ACTR8: variants seen among roughly 807,000 people sequenced by gnomAD.
ACTR8 encodes actin related protein 8, also known as actin-related protein 8.
ACTR8 carries 70 observed loss-of-function variants against 84.3 expected under a neutral mutation model. The ratio of observed to expected loss-of-function variants is 0.83; its 90% CI spans 0.68 to 1.01. The LOEUF (loss-of-function observed/expected upper bound fraction) is 1.01. Ranked by LOEUF, ACTR8 falls within the 50% of genes least tolerant of loss-of-function variation. The pLI is 0.00. For synonymous variants in ACTR8, 268 were observed against 275.2 expected (o/e 0.97, Z 0.26); for missense variants, 672 against 775.4 (o/e 0.87, Z 1.58).
intron 1 of ACTR8, among the ~76,000 whole-genome samples, chr3:53,881,464 T>C (rs1197841492): frequency 6.6e-6 from 1 of 152,220 alleles, no homozygotes; most frequent in Non-Finnish European, 1.5e-5. Flanking sequence ...AATATATATT[T>C]AGACAAATGT....
intron 1 of ACTR8, among the ~76,000 whole-genome samples, chr3:53,880,398 G>T (rs1700040483): frequency 6.6e-6 from 1 of 152,166 alleles, no homozygotes; most frequent in Non-Finnish European, 1.5e-5. Context: ...GAGCATTTAT[G>T]TGACTGAAGA....
Position 53,871,298 on chromosome 3 carries a change from T to C in ACTR8, c.1501A>G (p.Ile501Val), listed in dbSNP as rs758904462. Residue 501 changes from isoleucine to valine, a missense_variant, in exon 11 of 13, where the codon ATC (isoleucine) becomes GTC (valine). Transcript: ENST00000335754. ...LTALMSRKTAISLFEGKALGL... is the reference protein window; with the variant it reads ...LTALMSRKTAVSLFEGKALGL... Reference sequence around the variant, plus strand: ...AGGGCTTTTCCTTCAAACAGCGAGATGGCAGTCTTCCTGGACATCAGTGCA... The same window carrying C: ...AGGGCTTTTCCTTCAAACAGCGAGACGGCAGTCTTCCTGGACATCAGTGCA... 2 of 1,614,246 alleles carry C rather than the reference T, an allele frequency of 1.2e-6. No individual in the cohort carries two copies. Among genetic ancestry groups the C allele is most frequent in the South Asian group, 2.2e-5 (2 of 91,090 alleles).
Position 53,871,493 on chromosome 3 carries a change from C to T in ACTR8, c.1306G>A (p.Ala436Thr). 6.2e-7 allele frequency: 1 copy of T among 1,613,838 alleles called. No homozygotes were observed. The highest frequency in any genetic ancestry group is 8.5e-7 in the Non-Finnish European group (1 of 1,179,932). The change falls in exon 11 of 13, where the codon GCA becomes ACA. Residue 436 changes from alanine to threonine, a missense_variant. Transcript: ENST00000335754. The stretch of plus-strand genomic sequence containing the variant: ...GACTTTCGGTCAGCAGTAGCTTTTG[C>T]AGACTTTAAATCAAAAGGACAATCA... ...LATQSKQEQS[A>T]KATADRKSAS...
intron 7 of ACTR8, among the ~76,000 whole-genome samples, chr3:53,874,753 AC>A (rs1422455846): frequency 6.6e-6 from 1 of 152,038 alleles, no homozygotes; most frequent in African/African-American, 2.4e-5. Flanking sequence ...CAAAAAACAA[AC>A]AAAAATGTCC....
In ACTR8 at chr3:53,871,375, G is replaced by A. The variant is rs1699880953; in HGVS notation, c.1424C>T (p.Ser475Phe). ...GGCCATCAGGCCATCTCCCTGTGCA[G>A]ACCCCAAATCTACCTCCTGGGAATG... ...RLHSQEVDLG[S>F]AQGDGLMAGN... The change falls in exon 11 of 13, where the codon TCT (serine) becomes TTT (phenylalanine). Residue 475 changes from serine (S) to phenylalanine (F), a missense_variant. Transcript: ENST00000335754. The A allele has an allele frequency of 6.2e-7, 1 of 1,614,228 alleles. No homozygotes were observed. The highest frequency in any genetic ancestry group is 8.5e-7 in the Non-Finnish European group (1 of 1,180,030).
At chr3:53,879,260 TACA>T (rs1274966255) in intron 2 of ACTR8, among the ~76,000 whole-genome samples, 2 of 152,220 alleles carry the variant, frequency 1.3e-5, no homozygotes, top group Non-Finnish European at 2.9e-5. Flanking sequence ...TATTTAAACT[TACA>T]ACTAGACTTA....
chr3:53,865,234 C>T, downstream of ACTR8: 1 of 1,613,550 alleles, frequency 6.2e-7, no homozygotes, highest in African/African-American at 1.3e-5. Context: ...CTGTGCAGAA[C>T]TTCTCCATGT....
In ACTR8 at chr3:53,878,347, T is replaced by C; in HGVS notation, c.405+10A>G. 3 of 1,564,238 alleles carry C rather than the reference T, an allele frequency of 1.9e-6. No individual in the cohort carries two copies. Among genetic ancestry groups the C allele is most frequent in the Non-Finnish European group, 2.6e-6 (3 of 1,135,520 alleles). ...GTGATAAAAGAATAAATCTGAAGAGTTAATCGAACCTGTTCAGGGGACACA... is the reference window on the plus strand; with the variant it reads ...GTGATAAAAGAATAAATCTGAAGAGCTAATCGAACCTGTTCAGGGGACACA... On this transcript the variant is annotated intron_variant, in intron 3 of 12. Transcript: ENST00000335754.
At position 53,880,115 on chromosome 3, in the gene ACTR8, G is replaced by A; in HGVS notation, c.124-6C>T. ...ATGAAGTTGCTCTGGATTTGCTGCAGATATAAAACATAGATGTGTGACTTT... is the reference window on the plus strand; with the variant it reads ...ATGAAGTTGCTCTGGATTTGCTGCAAATATAAAACATAGATGTGTGACTTT... On this transcript the variant is annotated splice_polypyrimidine_tract_variant and splice_region_variant and intron_variant, in intron 1 of 12. Transcript: ENST00000335754. 2.5e-6 allele frequency: 4 copies of A among 1,612,406 alleles called. No homozygotes were observed. The highest frequency in any genetic ancestry group is 3.4e-6 in the Non-Finnish European group (4 of 1,178,596).
chr3:53,880,230 A>C, intron 1 of ACTR8, 121 bp from the exon 2 acceptor site: 3 of 1,060,704 alleles, frequency 2.8e-6, no homozygotes, highest in East Asian at 2.5e-5. Context: ...ATAATTCAAT[A>C]AAGTTCTTTG....
At position 53,870,213 on chromosome 3, in the gene ACTR8, C is replaced by G. The variant is rs893143444; in HGVS notation, c.1568-68G>C. On this transcript the variant is annotated intron_variant, in intron 11 of 12. Coordinates refer to ENST00000335754, the MANE Select transcript of ACTR8 (RefSeq NM_022899.5). This position sits in a 1 kb window ranked among gnomAD's most constrained non-coding sequence, Gnocchi z 4.1. ...CCATAATTCTAGGCCAAGCCACCAA[C>G]ACCTCTTGCTTGAGCAAGTGCAATA... is the stretch of plus-strand genomic sequence containing the variant. 20 of 1,566,332 alleles carry G rather than the reference C, an allele frequency of 1.3e-5. No homozygotes were observed. In the South Asian group the frequency reaches 2.2e-4, roughly 17 times the overall value.
At chr3:53,866,040 T>TAAG (rs1342010943), downstream of ACTR8, among the ~76,000 whole-genome samples, 3 of 152,242 alleles carry the variant, frequency 2.0e-5, no homozygotes, top group African/African-American at 4.8e-5. Flanking sequence ...AAATAATTCT[T>TAAG]AAGTTGAAAG....
At chr3:53,879,234 T>C (rs1700024102) in intron 2 of ACTR8, among the ~76,000 whole-genome samples, 1 of 152,222 alleles carries the variant, frequency 6.6e-6, no homozygotes, top group South Asian at 2.1e-4. Context: ...GTGCGGACTC[T>C]TATATCAGCA....
At chr3:53,876,137 C>T (rs1699964345) in intron 6 of ACTR8, 57 bp from the exon 7 acceptor site, 3 of 1,596,080 alleles carry the variant, frequency 1.9e-6, no homozygotes, top group Non-Finnish European at 2.6e-6. Context: ...GTAAAGATCC[C>T]AAAACAGATA....
At position 53,876,073 on chromosome 3, in the gene ACTR8, C is replaced by G. The variant is rs1699961153; in HGVS notation, c.786G>C (p.Val262=). The G allele has an allele frequency of 6.3e-7, 1 of 1,587,448 alleles. No homozygotes were observed. Among genetic ancestry groups the G allele is most frequent in the South Asian group, 1.1e-5 (1 of 89,600 alleles). The change falls in exon 7 of 13, where the codon GTG becomes GTC. Residue 262 remains valine, a synonymous_variant. Coordinates refer to ENST00000335754, the MANE Select transcript of ACTR8 (RefSeq NM_022899.5). ...TGGCACACACAGACTCCTGATGGAC[C>G]ACAATCCCTGGGGGGGGAAAAGAAA... ...ILMKMGFSGI[V]VHQESVCATY... is the part of the protein sequence containing the mutation.
intron 4 of ACTR8, 101 bp downstream of exon 4, chr3:53,877,546 A>G: frequency 7.4e-7 from 1 of 1,360,140 alleles, no homozygotes; most frequent in Admixed American, 2.1e-5. Flanking sequence ...GCAGGGTTAT[A>G]GAACGCTAGG....
chr3:53,876,633 C>T lies in ACTR8; in HGVS notation c.765G>A (p.Lys255=), dbSNP rs773426171. The change falls in exon 6 of 13, where the codon AAG becomes AAA. Residue 255 remains lysine (K), a synonymous_variant. Coordinates refer to ENST00000335754, the MANE Select transcript of ACTR8 (RefSeq NM_022899.5). ...VKELVNMILM[K]MGFSGIVVHQ... ...TATCAGACATACCTGAAAAACCCAT[C>T]TTCATTAGTATCATATTCACTAGTT... 9.5e-6 allele frequency: 15 copies of T among 1,570,836 alleles called. No homozygotes were observed. Among genetic ancestry groups the T allele is most frequent in the Non-Finnish European group, 1.3e-5 (15 of 1,150,404 alleles).
At chr3:53,868,984 C>G in intron 12 of ACTR8, 122 bp from the exon 13 acceptor site, 5 of 1,353,596 alleles carry the variant, frequency 3.7e-6, no homozygotes, top group Non-Finnish European at 5.0e-6. Context: ...GGCTTTCACC[C>G]TGTATTAAAG....
chr3:53,858,997 G>A, the ACTR8 span: 1 of 507,126 alleles, frequency 2.0e-6, no homozygotes, highest in African/African-American at 1.9e-5. Context: ...TAGAATCTGA[G>A]TAAGAACAGG....
Sources: allele counts gnomAD v4.1 joint callset (sites outside exome capture counted in the v4.1 genomes callset), GRCh38; gene constraint gnomAD v4.1.1; non-coding constraint Gnocchi (gnomAD v3.1); transcripts MANE v1.5; gene names NCBI Gene and HGNC (gene_info 2026-07-23, HGNC 2026-07-21).